RASAL2: variants seen among roughly 807,000 people sequenced by gnomAD.
RASAL2 encodes ras GTPase-activating protein nGAP.
RASAL2 carries 58 observed loss-of-function variants against 128.9 expected under a neutral mutation model. That is an observed-to-expected ratio of 0.45 (90% CI 0.36 to 0.56). The LOEUF (loss-of-function observed/expected upper bound fraction) is 0.56. Among genes scored for constraint, RASAL2 ranks in the 20% least tolerant of loss-of-function variants. The probability of loss-of-function intolerance (pLI) is 0.00; values close to 1 mark genes in which losing one functional copy is unlikely to be tolerated. For synonymous variants in RASAL2, 561 were observed against 580.8 expected (o/e 0.97, Z 0.49); for missense variants, 1,360 against 1,601.6 (o/e 0.85, Z 2.57).
At chr1:178,302,764 G>A (rs1183640546) in intron 3 of RASAL2, among the ~76,000 whole-genome samples, 3 of 152,092 alleles carry the variant, frequency 2.0e-5, no homozygotes, top group East Asian at 1.9e-4. Context: ...ATAATAGGCC[G>A]GGCGCAGTGG....
intron 4 of RASAL2, among the ~76,000 whole-genome samples, chr1:178,407,938 T>A (rs1014150048): frequency 3.3e-5 from 5 of 152,322 alleles, no homozygotes; most frequent in African/African-American, 9.6e-5. Flanking sequence ...ATACTCCAAT[T>A]TGCAGGTGGC....
chr1:178,202,711 CTG>C (rs975967595), intron 1 of RASAL2, among the ~76,000 whole-genome samples: 9 of 152,188 alleles, frequency 5.9e-5, no homozygotes, highest in Admixed American at 4.6e-4. Context: ...TGGTCAAAAA[CTG>C]TGAAGGTATT....
At chr1:178,377,570 ATTCTTCC>A (rs1672057525) in intron 3 of RASAL2, among the ~76,000 whole-genome samples, 3 of 152,166 alleles carry the variant, frequency 2.0e-5, no homozygotes, top group Non-Finnish European at 4.4e-5. Context: ...GGCCTATGTC[ATTCTTCC>A]CCATAGGACT....
intron 4 of RASAL2, among the ~76,000 whole-genome samples, chr1:178,417,372 T>C (rs1211119458): frequency 6.6e-6 from 1 of 152,180 alleles, no homozygotes; most frequent in African/African-American, 2.4e-5. Context: ...TTATCTTTGA[T>C]TTCCTTACAA....
chr1:178,170,969 ATTCAT>A (rs1266759006), intron 1 of RASAL2, among the ~76,000 whole-genome samples: 11 of 151,772 alleles, frequency 7.2e-5, no homozygotes, highest in Admixed American at 6.6e-4. Flanking sequence ...GGGGCACCGA[ATTCAT>A]TTCATTTAAA....
chr1:178,457,376 G>A (rs1205685538), intron 13 of RASAL2, among the ~76,000 whole-genome samples: 1 of 152,166 alleles, frequency 6.6e-6, no homozygotes, highest in Non-Finnish European at 1.5e-5. Flanking sequence ...AGACAAGTAA[G>A]TATGAATTGG....
intron 5 of RASAL2, among the ~76,000 whole-genome samples, chr1:178,426,811 T>C (rs182662859): frequency 2.7e-4 from 41 of 152,140 alleles, no homozygotes; most frequent in Admixed American, 1.4e-3. Context: ...ACTGAGGAGT[T>C]TGGATTTTAG....
chr1:178,347,548 G>T (rs967462257), intron 3 of RASAL2, among the ~76,000 whole-genome samples: 1 of 152,126 alleles, frequency 6.6e-6, no homozygotes. Flanking sequence ...TGACCATTTA[G>T]TATATAACAA....
chr1:178,155,632 C>T (rs1450820539), intron 1 of RASAL2, among the ~76,000 whole-genome samples: 2 of 151,306 alleles, frequency 1.3e-5, no homozygotes, highest in Admixed American at 6.6e-5. Flanking sequence ...GGATCACTGT[C>T]GTCTTGCCAG....
intron 4 of RASAL2, among the ~76,000 whole-genome samples, chr1:178,407,763 C>T (rs1459317187): frequency 2.0e-5 from 3 of 152,164 alleles, no homozygotes; most frequent in South Asian, 4.1e-4. Flanking sequence ...TGACATGTTT[C>T]CCTGTCTCCG....
At chr1:178,371,655 G>T (rs1197318425) in intron 3 of RASAL2, among the ~76,000 whole-genome samples, 1 of 152,148 alleles carries the variant, frequency 6.6e-6, no homozygotes, top group Non-Finnish European at 1.5e-5. Flanking sequence ...CGTAAAGGGG[G>T]CTGTTGAAAT....
At chr1:178,311,769 A>G (rs954484682) in intron 3 of RASAL2, among the ~76,000 whole-genome samples, 1 of 152,098 alleles carries the variant, frequency 6.6e-6, no homozygotes, top group African/African-American at 2.4e-5. Flanking sequence ...CAACTTTCCC[A>G]AGATTAGTGG....
intron 9 of RASAL2, among the ~76,000 whole-genome samples, chr1:178,448,724 C>T (rs925745176): frequency 7.3e-5 from 11 of 151,478 alleles, no homozygotes; most frequent in African/African-American, 2.7e-4. Flanking sequence ...TATTTATTGA[C>T]TATCTGCTTC....
chr1:178,450,804 G>T (rs577490767), intron 9 of RASAL2, among the ~76,000 whole-genome samples: 76 of 152,190 alleles, frequency 5.0e-4, no homozygotes, highest in African/African-American at 1.8e-3. Context: ...ATTTGAACAT[G>T]AATAAAACCT....
chr1:178,285,180 G>A lies in RASAL2; in HGVS notation c.330+1489G>A, dbSNP rs539701555. 1.2e-4 allele frequency among the ~76,000 whole-genome samples: 17 copies of A among 144,330 alleles called. No homozygotes were observed. In the South Asian group the frequency reaches 3.7e-3, roughly 31 times the overall value. 94.7% of individuals were successfully genotyped at this position (144,330 alleles called of 152,430 possible). On this transcript the variant is annotated intron_variant, in intron 2 of 17. Coordinates refer to ENST00000367649, the MANE Select transcript of RASAL2 (RefSeq NM_170692.4). ...CCAGGCCGGACTGTGGACTGCAGTG[G>A]CACAATCTCGGCTCACTGCAAGCTC...
chr1:178,120,537 C>T (rs562457594), intron 1 of RASAL2, among the ~76,000 whole-genome samples: 94 of 152,298 alleles, frequency 6.2e-4, no homozygotes, highest in Admixed American at 1.6e-3. Flanking sequence ...CCACCAGATG[C>T]GGCTGTACCA....
intron 1 of RASAL2, among the ~76,000 whole-genome samples, chr1:178,164,419 C>T (rs963373949): frequency 2.6e-5 from 4 of 151,776 alleles, no homozygotes; most frequent in African/African-American, 9.7e-5. Context: ...GGCCCAAAAT[C>T]TTCAGGGGAA....
At chr1:178,173,865 G>A (rs1226906539) in intron 1 of RASAL2, among the ~76,000 whole-genome samples, 2 of 151,014 alleles carry the variant, frequency 1.3e-5, no homozygotes, top group South Asian at 2.1e-4. Flanking sequence ...TAATGGTTGG[G>A]TAAAGCTTTC....
At chr1:178,314,737 G>A (rs1194566526) in intron 3 of RASAL2, among the ~76,000 whole-genome samples, 1 of 151,314 alleles carries the variant, frequency 6.6e-6, no homozygotes, top group Non-Finnish European at 1.5e-5. Context: ...TGAAGTGGTA[G>A]GCATCACAGA....
Sources: gnomAD v4.1 joint callset for allele counts (sites outside exome capture counted in the v4.1 genomes callset) on GRCh38, gnomAD v4.1.1 for gene constraint, MANE v1.5 for transcripts, NCBI Gene and HGNC (gene_info 2026-07-23, HGNC 2026-07-21) for gene names.